The following SLC24A3 variants were observed in gnomAD, a reference collection of about 807,000 sequenced individuals.
The protein encoded by SLC24A3 is sodium/potassium/calcium exchanger 3.
Under a neutral mutation model 75.8 loss-of-function variants are expected in SLC24A3, and 28 were observed. The ratio of observed to expected loss-of-function variants is 0.37; its 90% CI spans 0.27 to 0.51. The LOEUF is 0.51. Ranked by LOEUF, SLC24A3 falls within the 20% of genes least tolerant of loss-of-function variation. SLC24A3 has a pLI of 0.94. For missense variants in SLC24A3, 663 were observed against 847.8 expected, an observed-to-expected ratio of 0.78 and a Z score of 2.71; for synonymous variants, 372 against 334.1, an observed-to-expected ratio of 1.11 and a Z score of -1.24.
intron 3 of SLC24A3, among the ~76,000 whole-genome samples, chr20:19,519,212 C>T (rs1310908110): frequency 6.6e-6 from 1 of 152,226 alleles, no homozygotes; most frequent in East Asian, 1.9e-4. Context: ...GTTTGCTTTG[C>T]TTCTAAGGCT....
intron 2 of SLC24A3, among the ~76,000 whole-genome samples, chr20:19,499,851 A>T (rs1366932682): frequency 6.6e-6 from 1 of 152,154 alleles, no homozygotes; most frequent in Non-Finnish European, 1.5e-5. Flanking sequence ...ACACACATGG[A>T]TTATACATAC....
At chr20:19,621,161 C>T (rs1343642802) in intron 6 of SLC24A3, among the ~76,000 whole-genome samples, 1 of 152,192 alleles carries the variant, frequency 6.6e-6, no homozygotes, top group Non-Finnish European at 1.5e-5. Context: ...CACTGAACTT[C>T]CTGTTCTTAA....
chr20:19,684,098 G>A, intron 10 of SLC24A3, 78 bp from the exon 11 acceptor site: 2 of 1,495,008 alleles, frequency 1.3e-6, no homozygotes, highest in Non-Finnish European at 1.8e-6. Context: ...AGAAAAGAAG[G>A]GAAGGAAGAA....
rs114344834 is a variant in SLC24A3, at chr20:19,649,488, C to T, written c.613-4574C>T. Among the ~76,000 whole-genome samples the T allele has an allele frequency of 7.2e-4, 109 of 152,260 alleles. 1 individual carries two copies. The highest frequency in any genetic ancestry group is 2.5e-3 in the African/African-American group (102 of 41,544). On this transcript the variant is annotated intron_variant, in intron 6 of 16. Transcript: ENST00000328041. ...ATATATCCCTTCCATATCTACATTC[C>T]TATCTATAGTTTTTATAGTAACTCT... is the stretch of plus-strand genomic sequence containing the variant.
At chr20:19,360,956 A>T (rs999999826) in intron 2 of SLC24A3, among the ~76,000 whole-genome samples, 1 of 152,100 alleles carries the variant, frequency 6.6e-6, no homozygotes, top group African/African-American at 2.4e-5. Context: ...CCTCCCGAGT[A>T]GCTGGGACTA....
intron 2 of SLC24A3, among the ~76,000 whole-genome samples, chr20:19,346,162 ATATATATGG>A (rs1568595720): frequency 6.8e-5 from 6 of 88,256 alleles, no homozygotes; most frequent in East Asian, 2.9e-4. Context: ...TATATGGTGT[ATATATATGG>A]TATATATATA....
intron 3 of SLC24A3, among the ~76,000 whole-genome samples, chr20:19,534,517 C>G (rs1418992796): frequency 2.6e-5 from 4 of 151,460 alleles, no homozygotes; most frequent in African/African-American, 9.7e-5. Flanking sequence ...TTCACGTGAT[C>G]TTCCTGCCTC....
At chr20:19,589,781 C>CT (rs2031348767) in intron 6 of SLC24A3, among the ~76,000 whole-genome samples, 1 of 152,048 alleles carries the variant, frequency 6.6e-6, no homozygotes, top group South Asian at 2.1e-4. Context: ...CGGAAATACA[C>CT]CCACTGAGTT....
chr20:19,441,426 TC>T (rs1026787041), intron 2 of SLC24A3, among the ~76,000 whole-genome samples: 2 of 152,142 alleles, frequency 1.3e-5, no homozygotes, highest in Non-Finnish European at 2.9e-5. Context: ...CAATGCACAG[TC>T]CCCACTCTGC....
intron 1 of SLC24A3, among the ~76,000 whole-genome samples, chr20:19,253,456 A>G (rs1394863462): frequency 1.3e-5 from 2 of 152,046 alleles, no homozygotes; most frequent in Non-Finnish European, 2.9e-5. Flanking sequence ...GGAATCCTCT[A>G]GACTTCCCCA....
chr20:19,287,834 TC>T (rs1235599093), intron 2 of SLC24A3, among the ~76,000 whole-genome samples: 1 of 152,222 alleles, frequency 6.6e-6, no homozygotes, highest in Non-Finnish European at 1.5e-5. Context: ...AAATCCTAAA[TC>T]CCAACTCCAC....
chr20:19,497,746 G>A (rs1490281224), intron 2 of SLC24A3, among the ~76,000 whole-genome samples: 3 of 152,232 alleles, frequency 2.0e-5, no homozygotes, highest in Non-Finnish European at 4.4e-5. Context: ...CAGAGCTCTC[G>A]AGTTCTCATG....
At chr20:19,306,261 T>C (rs1984326969) in intron 2 of SLC24A3, among the ~76,000 whole-genome samples, 1 of 152,210 alleles carries the variant, frequency 6.6e-6, no homozygotes, top group African/African-American at 2.4e-5. Context: ...ACAGAATGCT[T>C]ATATACTGTT....
intron 7 of SLC24A3, among the ~76,000 whole-genome samples, chr20:19,659,393 T>C (rs1341305542): frequency 6.6e-6 from 1 of 152,202 alleles, no homozygotes; most frequent in Non-Finnish European, 1.5e-5. Context: ...CTAGCAGAAT[T>C]TACATGGTGA....
At chr20:19,549,435 A>G (rs962796957) in intron 3 of SLC24A3, among the ~76,000 whole-genome samples, 13 of 152,240 alleles carry the variant, frequency 8.5e-5, no homozygotes, top group African/African-American at 2.9e-4. Context: ...AAATGTCAAC[A>G]TATGTATTAT....
chr20:19,325,793 TATAG>T (rs1329134868), intron 2 of SLC24A3, among the ~76,000 whole-genome samples: 89 of 82,782 alleles, frequency 1.1e-3, no homozygotes, highest in East Asian at 7.5e-3. Context: ...TATATATATA[TATAG>T]AGAGAGAGAG....
chr20:19,577,556 G>A (rs968565346), intron 3 of SLC24A3, among the ~76,000 whole-genome samples: 18 of 152,068 alleles, frequency 1.2e-4, no homozygotes, highest in Non-Finnish European at 2.2e-4. Flanking sequence ...ATTTCAGAGT[G>A]AAAATATTAC....
At chr20:19,372,492 G>T (rs187948215) in intron 2 of SLC24A3, among the ~76,000 whole-genome samples, 2 of 152,186 alleles carry the variant, frequency 1.3e-5, no homozygotes, top group African/African-American at 4.8e-5. Context: ...GGTTCATGCG[G>T]GAATAAAGGC....
At chr20:19,665,767 G>A (rs2032391363) in intron 7 of SLC24A3, 97 bp from the exon 8 acceptor site, 1 of 1,426,280 alleles carries the variant, frequency 7.0e-7, no homozygotes, top group African/African-American at 1.5e-5. Flanking sequence ...CAGGAACAAG[G>A]TGGATACTGC....
Sources: gnomAD v4.1 joint callset for allele counts (sites outside exome capture counted in the v4.1 genomes callset) on GRCh38, gnomAD v4.1.1 for gene constraint, MANE v1.5 for transcripts, NCBI Gene and HGNC (gene_info 2026-07-23, HGNC 2026-07-21) for gene names.